STK38L: variants seen among roughly 807,000 people sequenced by gnomAD.
STK38L encodes the protein serine/threonine-protein kinase 38-like.
In STK38L, 28 loss-of-function variants were observed where a neutral mutation model predicts 59.7. That is an observed-to-expected ratio of 0.47 (90% confidence interval 0.35 to 0.64). The LOEUF (loss-of-function observed/expected upper bound fraction) is 0.64. STK38L is among the 30% of genes least tolerant of loss of function. The probability of loss-of-function intolerance (pLI) is 0.01; values close to 1 mark genes in which losing one functional copy is unlikely to be tolerated. For missense variants in STK38L, 314 were observed against 555.8 expected (o/e 0.56, Z 4.37); for synonymous variants, 162 against 176.8 (o/e 0.92, Z 0.66).
At position 27,308,362 on chromosome 12, in the gene STK38L, C is replaced by A. The variant is rs577911410; in HGVS notation, c.210C>A (p.His70Gln). The A allele has an allele frequency of 2.6e-5, 41 of 1,592,632 alleles. No homozygotes were observed. The Admixed American group carries it at 6.8e-4, about 26-fold the overall frequency. Residue 70 changes from histidine to glutamine, a missense_variant, in exon 4 of 14, where the codon CAC becomes CAA. Around this residue, in one of 3 missense-constraint regions of STK38L, gnomAD observed 192 missense variants for 316.9 expected, o/e 0.61. Transcript: ENST00000389032. This position sits in a 1 kb window ranked among gnomAD's most constrained non-coding sequence, Gnocchi z 4.5. ...AGAAAAAGTTACGTCGATCACAACA[C>A]GCTCGCAAAGAAACAGAGTTCTTAC... ...DEEKKLRRSQ[H>Q]ARKETEFLRL...
At position 27,263,899 on chromosome 12, in the gene STK38L, T is replaced by G. The variant is rs141166010; in HGVS notation, c.-12+19567T>G. 3.9e-5 allele frequency among the ~76,000 whole-genome samples: 6 copies of G among 152,280 alleles called. No individual in the cohort carries two copies. In the East Asian group the frequency reaches 1.2e-3, roughly 29 times the overall value. On this transcript the variant is annotated intron_variant, in intron 1 of 13. Transcript: ENST00000389032. Reference sequence around the variant, plus strand: ...AGACATGTTCTGAAAACGTGAAACATAAATGAGGCTGAAGAAATTGTGAAA... The same window carrying G: ...AGACATGTTCTGAAAACGTGAAACAGAAATGAGGCTGAAGAAATTGTGAAA...
chr12:27,266,545 T>G (rs541985733), intron 1 of STK38L, among the ~76,000 whole-genome samples: 11 of 152,354 alleles, frequency 7.2e-5, no homozygotes, highest in African/African-American at 2.4e-4. Context: ...TTAAGCTGTG[T>G]AGGAAACACA....
chr12:27,317,511 T>C (rs1944614867), intron 10 of STK38L, 58 bp downstream of exon 10: 1 of 1,307,052 alleles, frequency 7.7e-7, no homozygotes, highest in African/African-American at 1.5e-5. Context: ...GTGCCATTGT[T>C]TGAACATATT....
Position 27,325,831 on chromosome 12 carries a change from A to G in STK38L, c.*3376A>G, listed in dbSNP as rs1012468142. Reference sequence around the variant, plus strand: ...TTTTTTAAAGCAATATAATTCAGCAATTGTCTAGAAAAGTAATCATGAGGC... The same window carrying G: ...TTTTTTAAAGCAATATAATTCAGCAGTTGTCTAGAAAAGTAATCATGAGGC... On this transcript the variant is annotated 3_prime_UTR_variant, in exon 14 of 14. Transcript: ENST00000389032. The G allele has an allele frequency of 1.3e-5, 2 of 152,176 alleles. No individual in the cohort carries two copies. The highest frequency in any genetic ancestry group is 2.1e-4 in the South Asian group (1 of 4,832). The allele number at this position is 152,176 out of a possible 1,614,324, so 9.4% of individuals were successfully genotyped here. A position where few individuals can be genotyped will look rare whatever the true frequency, so the allele number is the denominator to read the frequency against.
At chr12:27,267,778 G>C (rs1350397038) in intron 1 of STK38L, among the ~76,000 whole-genome samples, 1 of 152,042 alleles carries the variant, frequency 6.6e-6, no homozygotes, top group East Asian at 1.9e-4. Flanking sequence ...TTTTGTTAGA[G>C]TATGAAGTGG....
chr12:27,318,022 T>A lies in STK38L; in HGVS notation c.1079+3T>A, dbSNP rs1364839835. 1 of 1,613,748 alleles carries A rather than the reference T, an allele frequency of 6.2e-7. No individual in the cohort carries two copies. The highest frequency in any genetic ancestry group is 1.7e-5 in the Admixed American group (1 of 59,918). On this transcript the variant is annotated splice_donor_region_variant and intron_variant, in intron 11 of 13. Coordinates refer to ENST00000389032, the MANE Select transcript of STK38L (RefSeq NM_015000.4). The stretch of plus-strand genomic sequence containing the variant: ...AAAGCCAAGGACTTAATTCTCAGGT[T>A]AGTGGTTAAATTCCTAGAGGAGTTC...
chr12:27,313,474 C>T (rs1000373240), intron 6 of STK38L, among the ~76,000 whole-genome samples: 4 of 151,900 alleles, frequency 2.6e-5, no homozygotes, highest in African/African-American at 9.7e-5. Context: ...CTCTGCCTCC[C>T]GGGTTCAAGC....
chr12:27,316,578 A>G (rs548936223), intron 9 of STK38L, among the ~76,000 whole-genome samples: 5 of 152,310 alleles, frequency 3.3e-5, no homozygotes, highest in Admixed American at 2.0e-4. Context: ...AATGCCAGTT[A>G]TGTCACTGAG....
chr12:27,254,367 C>T (rs1200077480), intron 1 of STK38L, among the ~76,000 whole-genome samples: 1 of 152,200 alleles, frequency 6.6e-6, no homozygotes, highest in Non-Finnish European at 1.5e-5. Context: ...ACTAACATGA[C>T]CCTAAACTTC....
At chr12:27,300,692 A>G (rs1944146892) in intron 2 of STK38L, 2 of 447,280 alleles carry the variant, frequency 4.5e-6, no homozygotes, top group East Asian at 1.4e-4. Flanking sequence ...ACAAAAGACA[A>G]AAATCAGTGT....
chr12:27,273,629 A>G (rs1410598126), intron 1 of STK38L, among the ~76,000 whole-genome samples: 1 of 152,214 alleles, frequency 6.6e-6, no homozygotes, highest in Non-Finnish European at 1.5e-5. Context: ...TTAGCATTTA[A>G]TAAAGTTCTG....
intron 1 of STK38L, among the ~76,000 whole-genome samples, chr12:27,249,607 G>A (rs1159435480): frequency 1.3e-5 from 2 of 152,176 alleles, no homozygotes; most frequent in Non-Finnish European, 2.9e-5. Context: ...CAAAGTGCTG[G>A]GATTACAGGC....
At position 27,297,791 on chromosome 12, in the gene STK38L, C is replaced by T. The variant is rs1439884455; in HGVS notation, c.71C>T (p.Ala24Val). 1 of 1,613,994 alleles carries T rather than the reference C, an allele frequency of 6.2e-7. No homozygotes were observed. Among genetic ancestry groups the T allele is most frequent in the Admixed American group, 1.7e-5 (1 of 60,018 alleles). The change falls in exon 2 of 14, where the codon GCC becomes GTC. Residue 24 changes from alanine (A) to valine (V), a missense_variant. Ala to Val is a moderately conservative substitution (Grantham distance 64). Coordinates refer to ENST00000389032, the MANE Select transcript of STK38L (RefSeq NM_015000.4). ...CATACCCGGGAAAGAGTGACTGTAG[C>T]CAAGCTCACATTGGAGAATTTTTAT... ...SNHTRERVTV[A>V]KLTLENFYSN... is the part of the protein sequence containing the mutation.
intron 1 of STK38L, among the ~76,000 whole-genome samples, chr12:27,279,497 G>T (rs1346554576): frequency 6.6e-6 from 1 of 151,972 alleles, no homozygotes; most frequent in East Asian, 1.9e-4. Context: ...GGCCGAGGCG[G>T]GTGGATCACC....
intron 3 of STK38L, among the ~76,000 whole-genome samples, chr12:27,307,468 T>G (rs10771335): frequency 0.83 from 126,216 of 152,254 alleles, 52,533 homozygotes; most frequent in East Asian, 0.94. Context: ...AGCTGTTACT[T>G]TCATTTTGAT....
At chr12:27,301,943 A>C (rs1162357092) in intron 2 of STK38L, among the ~76,000 whole-genome samples, 194 bp from the exon 3 acceptor site, 1 of 152,080 alleles carries the variant, frequency 6.6e-6, no homozygotes, top group African/African-American at 2.4e-5. Flanking sequence ...TTTGGCCAGT[A>C]TGAGAAAGCA....
At chr12:27,289,519 A>T (rs1254331179) in intron 1 of STK38L, among the ~76,000 whole-genome samples, 1 of 152,244 alleles carries the variant, frequency 6.6e-6, no homozygotes, top group African/African-American at 2.4e-5. Flanking sequence ...CAGTTTTGAA[A>T]ATGAAAATGC....
At position 27,312,688 on chromosome 12, in the gene STK38L, G is replaced by GT; in HGVS notation, c.517+17dup. The stretch of plus-strand genomic sequence containing the variant: ...CTCCCTGGAGGTAAAAGCAAACATT[G>GT]TATCAATGACAGACTGATACAAGCA... On this transcript the variant is annotated intron_variant, in intron 6 of 13. Coordinates refer to ENST00000389032, the MANE Select transcript of STK38L (RefSeq NM_015000.4). 6.2e-7 allele frequency: 1 copy of GT among 1,613,326 alleles called. No homozygotes were observed.
At chr12:27,306,872 A>G (rs1347105194) in intron 3 of STK38L, among the ~76,000 whole-genome samples, 1 of 152,142 alleles carries the variant, frequency 6.6e-6, no homozygotes, top group Admixed American at 6.5e-5. Context: ...TCCTGAGTAC[A>G]GGTGCATGCC....
Sources: gnomAD v4.1 joint callset for allele counts (sites outside exome capture counted in the v4.1 genomes callset) on GRCh38, gnomAD v4.1.1 for gene constraint, gnomAD v4.1.1 regional missense constraint, Gnocchi (gnomAD v3.1) non-coding constraint, MANE v1.5 for transcripts, NCBI Gene and HGNC (gene_info 2026-07-23, HGNC 2026-07-21) for gene names.